The following CCDC57 variants were observed in gnomAD, a reference collection of about 807,000 sequenced individuals.
CCDC57 encodes the protein coiled-coil domain containing 57, also known as coiled-coil domain-containing protein 57.
CCDC57 carries 118 observed loss-of-function variants against 118.9 expected under a neutral mutation model. The observed-to-expected ratio is 0.99, with a 90% CI of 0.86 to 1.16. The LOEUF is 1.16. Ranked by LOEUF, CCDC57 falls within the 50% of genes most tolerant of loss-of-function variation. The pLI, the probability that CCDC57 is intolerant of heterozygous loss-of-function variation, is 0.00. For synonymous variants in CCDC57, 527 were observed against 532.9 expected (o/e 0.99, Z 0.15); for missense variants, 1,300 against 1,320.7 (o/e 0.98, Z 0.24).
intron 14 of CCDC57, among the ~76,000 whole-genome samples, chr17:82,159,306 T>C (rs1254024811): frequency 6.6e-6 from 1 of 152,178 alleles, no homozygotes; most frequent in African/African-American, 2.4e-5. Context: ...GCCTAAAAGC[T>C]GTATTTAAAT....
At chr17:82,147,209 G>A (rs2040870713) in intron 16 of CCDC57, among the ~76,000 whole-genome samples, 1 of 150,622 alleles carries the variant, frequency 6.6e-6, no homozygotes, top group South Asian at 2.1e-4. Flanking sequence ...TGGATAGGTG[G>A]GTGCATGGGT....
intron 19 of CCDC57, among the ~76,000 whole-genome samples, chr17:82,125,907 AT>A (rs1321158191): frequency 1.3e-5 from 2 of 152,168 alleles, no homozygotes; most frequent in Non-Finnish European, 2.9e-5. Context: ...ATTTAGCACC[AT>A]GACAAAGGTG....
chr17:82,209,325 G>C (rs749519668), intron 1 of CCDC57, among the ~76,000 whole-genome samples: 4 of 152,038 alleles, frequency 2.6e-5, no homozygotes, highest in African/African-American at 4.8e-5. Context: ...TAGACTTTGC[G>C]GACTTTTAGA....
chr17:82,152,076 A>C, intron 15 of CCDC57: 1 of 402,026 alleles, frequency 2.5e-6, no homozygotes, highest in African/African-American at 2.0e-5. Context: ...CTGGTCATCT[A>C]TGCCTTTGTG....
At chr17:82,117,744 A>G (rs1426429783) in intron 19 of CCDC57, among the ~76,000 whole-genome samples, 2 of 34,524 alleles carry the variant, frequency 5.8e-5, no homozygotes, top group Non-Finnish European at 1.6e-4. Context: ...CAGATTGGCC[A>G]ACAAACAAAC....
intron 16 of CCDC57, among the ~76,000 whole-genome samples, chr17:82,136,914 T>G (rs1195812948): frequency 6.6e-6 from 1 of 151,816 alleles, no homozygotes; most frequent in Non-Finnish European, 1.5e-5. Flanking sequence ...CAATCCTTAC[T>G]TGGTTGAAAG....
At chr17:82,199,526 A>G (rs945260977) in intron 3 of CCDC57, among the ~76,000 whole-genome samples, 4 of 151,928 alleles carry the variant, frequency 2.6e-5, no homozygotes, top group African/African-American at 9.7e-5. Flanking sequence ...AACATGGCTG[A>G]AAACATCCCA....
intron 15 of CCDC57, among the ~76,000 whole-genome samples, chr17:82,153,220 T>C (rs1461843979): frequency 6.6e-6 from 1 of 152,140 alleles, no homozygotes; most frequent in Admixed American, 6.5e-5. Flanking sequence ...AGATTGCAGA[T>C]GGCCTGGGGC....
At chr17:82,122,577 G>A (rs1001018560) in intron 19 of CCDC57, among the ~76,000 whole-genome samples, 1 of 152,344 alleles carries the variant, frequency 6.6e-6, no homozygotes, top group African/African-American at 2.4e-5. Flanking sequence ...CTGCCCAGCT[G>A]CCTGCTATGT....
chr17:82,200,698 C>T (rs1280270944), intron 3 of CCDC57, among the ~76,000 whole-genome samples: 3 of 151,812 alleles, frequency 2.0e-5, no homozygotes, highest in Non-Finnish European at 4.4e-5. Flanking sequence ...GAGGCTGAGG[C>T]AGGAGAATCA....
intron 13 of CCDC57, among the ~76,000 whole-genome samples, chr17:82,165,894 A>C (rs2043933909): frequency 6.6e-6 from 1 of 152,236 alleles, no homozygotes; most frequent in African/African-American, 2.4e-5. Flanking sequence ...CAGGATGCGC[A>C]GTGTGAACCC....
exon 3 of CCDC57, chr17:82,201,666 G>C (rs1324538455): frequency 1.2e-6 from 2 of 1,613,336 alleles, no homozygotes; most frequent in African/African-American, 1.3e-5. Context: ...TCTTGAGCTC[G>C]CTCACCTCTG....
At chr17:82,170,939 G>A (rs1434474338) in intron 13 of CCDC57, among the ~76,000 whole-genome samples, 1 of 152,286 alleles carries the variant, frequency 6.6e-6, no homozygotes, top group Non-Finnish European at 1.5e-5. Context: ...GTGGATGGAT[G>A]CTTTGGAGAA....
At chr17:82,141,177 A>ATTTT (rs56298520) in intron 16 of CCDC57, among the ~76,000 whole-genome samples, 4 of 121,532 alleles carry the variant, frequency 3.3e-5, no homozygotes, top group Non-Finnish European at 6.7e-5. Flanking sequence ...CGCCCGGCTA[A>ATTTT]TTTTTTTTTT....
chr17:82,208,146 G>A (rs1002019194), intron 1 of CCDC57: 2 of 152,142 alleles, frequency 1.3e-5, no homozygotes, highest in Non-Finnish European at 2.9e-5. Flanking sequence ...CCAAACTCAG[G>A]TGATCCACCT....
In CCDC57 at chr17:82,198,791, G is replaced by C. The variant is rs544258472; in HGVS notation, c.408-369C>G. ...GGATCACAAGGTCAGGAGATCGAGA[G>C]CATCCTGGCTAACACGGTGAAACCC... On this transcript the variant is annotated intron_variant, in intron 3 of 19. Coordinates refer to ENST00000665763, the Ensembl canonical transcript of CCDC57. 4.6e-3 allele frequency among the ~76,000 whole-genome samples: 703 copies of C among 151,882 alleles called. 6 individuals are homozygous for C. Among genetic ancestry groups the C allele is most frequent in the African/African-American group, 0.016 (643 of 41,426 alleles).
intron 13 of CCDC57, among the ~76,000 whole-genome samples, chr17:82,164,935 T>A (rs1247648182): frequency 6.6e-6 from 1 of 152,164 alleles, no homozygotes; most frequent in Non-Finnish European, 1.5e-5. Flanking sequence ...CCAGCGTAAC[T>A]CTGATTCCAA....
At chr17:82,114,051 C>T (rs1235950368) in intron 19 of CCDC57, among the ~76,000 whole-genome samples, 2 of 152,240 alleles carry the variant, frequency 1.3e-5, no homozygotes, top group African/African-American at 4.8e-5. Flanking sequence ...CGTGCACCTT[C>T]TAGTGCAGGT....
intron 4 of CCDC57, among the ~76,000 whole-genome samples, chr17:82,195,967 T>TA (rs2048251636): frequency 6.6e-6 from 1 of 152,194 alleles, no homozygotes. Flanking sequence ...CTGAACATGA[T>TA]AAAAAATCCA....
Sources: allele counts gnomAD v4.1 joint callset (sites outside exome capture counted in the v4.1 genomes callset), GRCh38; gene constraint gnomAD v4.1.1; transcripts MANE v1.5; gene names NCBI Gene and HGNC (gene_info 2026-07-23, HGNC 2026-07-21).